The following CADM2 variants were observed in gnomAD, a reference collection of about 807,000 sequenced individuals.
The protein encoded by CADM2 is immunoglobulin superfamily member 4D.
CADM2 carries 12 observed loss-of-function variants against 49.8 expected under a neutral mutation model. The ratio of observed to expected loss-of-function variants is 0.24; its 90% confidence interval spans 0.15 to 0.39. CADM2 has a LOEUF of 0.39. Among genes scored for constraint, CADM2 ranks in the 10% least tolerant of loss-of-function variants. CADM2 has a pLI of 1.00. For synonymous variants in CADM2, 214 were observed against 175.4 expected (o/e 1.22, Z -1.74); for missense variants, 378 against 492.3 (o/e 0.77, Z 2.20).
At chr3:85,424,897 T>C (rs527603594) in intron 1 of CADM2, among the ~76,000 whole-genome samples, 60 of 152,154 alleles carry the variant, frequency 3.9e-4, no homozygotes, top group Non-Finnish European at 7.2e-4. Context: ...TTTGCCTGTA[T>C]ATACTAGCCT....
chr3:85,259,376 C>A (rs2042962112), intron 1 of CADM2, among the ~76,000 whole-genome samples: 1 of 149,006 alleles, frequency 6.7e-6, no homozygotes, highest in Admixed American at 6.8e-5. Context: ...CTAATCATTT[C>A]TGATGATCAA....
intron 1 of CADM2, among the ~76,000 whole-genome samples, chr3:85,299,815 G>A (rs1425206766): frequency 6.6e-6 from 1 of 152,064 alleles, no homozygotes; most frequent in Non-Finnish European, 1.5e-5. Context: ...TGTTTGGAAA[G>A]ATTTAATAGG....
chr3:85,576,190 T>G (rs564767448), intron 1 of CADM2, among the ~76,000 whole-genome samples: 1 of 152,298 alleles, frequency 6.6e-6, no homozygotes, highest in African/African-American at 2.4e-5. Flanking sequence ...AATTTATGTC[T>G]TCAATAAAAA....
chr3:85,596,956 A>G (rs2063261496), intron 1 of CADM2, among the ~76,000 whole-genome samples: 1 of 152,036 alleles, frequency 6.6e-6, no homozygotes, highest in Admixed American at 6.6e-5. Flanking sequence ...ACCTCAAGTA[A>G]TTCACCCACT....
chr3:85,735,662 C>T (rs1417170152), intron 2 of CADM2, among the ~76,000 whole-genome samples: 1 of 151,946 alleles, frequency 6.6e-6, no homozygotes, highest in African/African-American at 2.4e-5. Flanking sequence ...AATCATAGCA[C>T]TGGAGGTAAA....
At chr3:85,072,534 C>T (rs2107476940) in intron 1 of CADM2, among the ~76,000 whole-genome samples, 1 of 152,142 alleles carries the variant, frequency 6.6e-6, no homozygotes, top group African/African-American at 2.4e-5. Context: ...AAGAATTACT[C>T]ATAATGATTT....
chr3:85,803,385 T>C (rs2072179830), intron 3 of CADM2, among the ~76,000 whole-genome samples: 2 of 152,064 alleles, frequency 1.3e-5, no homozygotes, highest in African/African-American at 4.8e-5. Context: ...AAATACATTA[T>C]ATCATACATT....
At chr3:85,123,083 C>G (rs1027412527) in intron 1 of CADM2, among the ~76,000 whole-genome samples, 6 of 152,116 alleles carry the variant, frequency 3.9e-5, no homozygotes, top group African/African-American at 1.2e-4. Flanking sequence ...TCAAACTTAA[C>G]TAAGATTCCC....
At chr3:85,731,393 T>A (rs971333852) in intron 2 of CADM2, among the ~76,000 whole-genome samples, 1 of 152,194 alleles carries the variant, frequency 6.6e-6, no homozygotes, top group African/African-American at 2.4e-5. Flanking sequence ...GGACAAATTT[T>A]CATTAAAGTT....
intron 1 of CADM2, among the ~76,000 whole-genome samples, chr3:85,526,372 C>T (rs182925077): frequency 1.3e-5 from 2 of 152,208 alleles, no homozygotes; most frequent in Non-Finnish European, 2.9e-5. Context: ...ATTTAAATCT[C>T]ATGTGGCAAT....
chr3:85,377,537 C>A (rs919332031), intron 1 of CADM2, among the ~76,000 whole-genome samples: 1 of 152,000 alleles, frequency 6.6e-6, no homozygotes. Context: ...ACTGGACATC[C>A]TTAGGAAAAC....
intron 1 of CADM2, among the ~76,000 whole-genome samples, chr3:85,631,836 T>C (rs1483541569): frequency 6.6e-6 from 1 of 152,106 alleles, no homozygotes; most frequent in Non-Finnish European, 1.5e-5. Flanking sequence ...CCAAATGCTG[T>C]TTAAATTTAA....
intron 2 of CADM2, among the ~76,000 whole-genome samples, chr3:85,729,901 C>A (rs2067858921): frequency 2.6e-5 from 4 of 152,100 alleles, no homozygotes; most frequent in Admixed American, 2.6e-4. Flanking sequence ...ATTTTCATCA[C>A]CCTGCTGAAT....
In CADM2 at chr3:85,155,194, C is replaced by A. The variant is rs867968054; in HGVS notation, c.61+195526C>A. ...ATCAGTGTGCTGTATTCAGGAAACC[C>A]ATCTCACGTGCAGAGACACACATAG... On this transcript the variant is annotated intron_variant, in intron 1 of 9. Coordinates refer to ENST00000383699, the MANE Select transcript of CADM2 (RefSeq NM_001167675.2). Among the ~76,000 whole-genome samples the A allele has an allele frequency of 2.3e-3, 348 of 149,720 alleles. 2 individuals carry two copies. Among genetic ancestry groups the A allele is most frequent in the African/African-American group, 8.4e-3 (335 of 39,666 alleles).
intron 1 of CADM2, among the ~76,000 whole-genome samples, chr3:85,669,158 T>G (rs560228507): frequency 2.6e-5 from 4 of 152,138 alleles, no homozygotes; most frequent in South Asian, 4.1e-4. Flanking sequence ...GTATTCTTCT[T>G]GTTTTAAGGA....
intron 2 of CADM2, among the ~76,000 whole-genome samples, chr3:85,745,163 C>G (rs573051622): frequency 6.6e-6 from 1 of 151,872 alleles, no homozygotes; most frequent in Non-Finnish European, 1.5e-5. Flanking sequence ...CAAGCAATTT[C>G]TACCTCAGTG....
chr3:85,343,114 C>T (rs1326808357), intron 1 of CADM2, among the ~76,000 whole-genome samples: 2 of 152,126 alleles, frequency 1.3e-5, no homozygotes, highest in Non-Finnish European at 2.9e-5. Context: ...GGTAATGCTA[C>T]TGACATCTAG....
intron 5 of CADM2, among the ~76,000 whole-genome samples, chr3:85,903,610 T>C (rs1276400955): frequency 6.6e-6 from 1 of 152,086 alleles, no homozygotes; most frequent in Non-Finnish European, 1.5e-5. Flanking sequence ...GGCTTATTGT[T>C]TATTGATTTG....
chr3:85,107,709 T>C (rs1359480874), intron 1 of CADM2, among the ~76,000 whole-genome samples: 3 of 149,404 alleles, frequency 2.0e-5, no homozygotes, highest in Admixed American at 6.7e-5. Context: ...CTTTCTTTTT[T>C]TTTTTTTTTG....
Sources: gnomAD v4.1 joint callset for allele counts (sites outside exome capture counted in the v4.1 genomes callset) on GRCh38, gnomAD v4.1.1 for gene constraint, MANE v1.5 for transcripts, NCBI Gene and HGNC (gene_info 2026-07-23, HGNC 2026-07-21) for gene names.